Variants in CIMAP1A observed in about 807,000 individuals in gnomAD.
The protein encoded by CIMAP1A is ciliary microtubule associated protein 1A.
At chr11:200,115 C>G in the CIMAP1A span, 1 of 1,469,566 alleles carries the variant, frequency 6.8e-7, no homozygotes, top group Admixed American at 1.8e-5. Context: ...TCTTCACCAG[C>G]TGGGCTGGGC....
chr11:198,674 CT>C, the CIMAP1A span: 1 of 1,529,344 alleles, frequency 6.5e-7, no homozygotes, highest in Non-Finnish European at 8.8e-7. Context: ...TCGGCCCTGC[CT>C]TGCCAATGCC....
At chr11:200,030 A>G in the CIMAP1A span, 2 of 1,613,898 alleles carry the variant, frequency 1.2e-6, no homozygotes, top group South Asian at 1.1e-5. Context: ...TTGATGTGGA[A>G]TAACGCCAGC....
At chr11:198,816 A>G in the CIMAP1A span, 4 of 1,397,838 alleles carry the variant, frequency 2.9e-6, no homozygotes, top group African/African-American at 4.3e-5. Context: ...TGCTGAGGAC[A>G]AGAGATGGGG....
the CIMAP1A span, chr11:199,361 C>T: frequency 1.3e-6 from 2 of 1,565,564 alleles, no homozygotes; most frequent in Non-Finnish European, 1.7e-6. Context: ...GCCTCCTTTA[C>T]CTCTCAGACC....
chr11:200,103 T>C, the CIMAP1A span: 3 of 1,540,140 alleles, frequency 1.9e-6, no homozygotes, highest in Non-Finnish European at 2.7e-6. Context: ...AGCTCGAGGC[T>C]GTCTTCACCA....
the CIMAP1A span, chr11:197,495 C>A: frequency 3.1e-6 from 5 of 1,594,904 alleles, no homozygotes; most frequent in Admixed American, 3.4e-5. Flanking sequence ...GGGCTCAATC[C>A]CTGACTCCCA....
chr11:198,269 G>C, the CIMAP1A span: 1 of 1,614,034 alleles, frequency 6.2e-7, no homozygotes, highest in South Asian at 1.1e-5. Flanking sequence ...TCTCTGCCCG[G>C]ACAAAGGCAT....
the CIMAP1A span, chr11:199,068 G>A: frequency 7.9e-7 from 1 of 1,264,706 alleles, no homozygotes; most frequent in Non-Finnish European, 1.0e-6. Flanking sequence ...CAGGCCCTCA[G>A]GTCCAACAGG....
At chr11:199,622 TC>T in the CIMAP1A span, 1 of 1,157,360 alleles carries the variant, frequency 8.6e-7, no homozygotes. Flanking sequence ...GGAAACAGGG[TC>T]AGGCTATGGA....
chr11:199,756 C>A, the CIMAP1A span: 3 of 1,437,710 alleles, frequency 2.1e-6, no homozygotes, highest in East Asian at 2.5e-5. Context: ...GAAGCAGAGA[C>A]CCTGCCCTTT....
At chr11:198,683 GCCCCTCAGC>G in the CIMAP1A span, 316 of 1,519,768 alleles carry the variant, frequency 2.1e-4, 1 homozygote, top group Admixed American at 2.8e-4. Context: ...CCTTGCCAAT[GCCCCTCAGC>G]CCCCTCAGCC....
the CIMAP1A span, chr11:197,426 G>A: frequency 1.3e-6 from 2 of 1,597,984 alleles, no homozygotes; most frequent in Middle Eastern, 1.7e-4. Flanking sequence ...AAGAGCCTGA[G>A]AGACTGTGGG....
At chr11:199,101 A>G in the CIMAP1A span, 2 of 1,329,382 alleles carry the variant, frequency 1.5e-6, no homozygotes, top group Non-Finnish European at 1.9e-6. Context: ...TCTCTCACAC[A>G]CGCTCAGCGA....
chr11:198,510 C>T, the CIMAP1A span: 31,973 of 1,613,144 alleles, frequency 0.02, 382 homozygotes, highest in Non-Finnish European at 0.024. Flanking sequence ...CCAATACCGT[C>T]GGCAAGGCCT....
At chr11:199,993 ACT>A in the CIMAP1A span, 30 of 1,613,514 alleles carry the variant, frequency 1.9e-5, no homozygotes, top group Non-Finnish European at 2.5e-5. Context: ...GGCATCAAAC[ACT>A]CTGATTACAT....
chr11:199,751 A>G, the CIMAP1A span: 3 of 1,436,546 alleles, frequency 2.1e-6, no homozygotes, highest in Non-Finnish European at 1.8e-6. Context: ...ACATGGAAGC[A>G]GAGACCCTGC....
the CIMAP1A span, chr11:198,691 GCCCC>G: frequency 5.1e-5 from 77 of 1,508,084 alleles, no homozygotes; most frequent in Non-Finnish European, 6.4e-5. Context: ...ATGCCCCTCA[GCCCC>G]CTCAGCCCTT....
chr11:197,716 A>T, the CIMAP1A span: 7 of 1,613,666 alleles, frequency 4.3e-6, no homozygotes, highest in Non-Finnish European at 4.2e-6. Flanking sequence ...TGCCTACTCC[A>T]TCCTGGGGCG....
chr11:198,552 C>G, the CIMAP1A span: 8 of 1,611,390 alleles, frequency 5.0e-6, no homozygotes, highest in East Asian at 1.8e-4. Flanking sequence ...AGGGCCGCAG[C>G]AAGCTGGGCG....
Sources: allele counts gnomAD v4.1 joint callset, GRCh38; gene constraint gnomAD v4.1.1; transcripts MANE v1.5; gene names NCBI Gene and HGNC (gene_info 2026-07-23, HGNC 2026-07-21).